The following MLXIPL variants were observed in gnomAD, a reference collection of about 807,000 sequenced individuals.
MLXIPL encodes MLX interacting protein like, also known as carbohydrate-responsive element-binding protein.
In MLXIPL, 49 loss-of-function variants were observed where a neutral mutation model predicts 81.5. The ratio of observed to expected loss-of-function variants is 0.60; its 90% CI spans 0.48 to 0.76. MLXIPL has a LOEUF of 0.76. MLXIPL is among the 30% of genes least tolerant of loss of function. MLXIPL has a pLI of 0.00. For synonymous variants in MLXIPL, 466 were observed against 485.5 expected (o/e 0.96, Z 0.53); for missense variants, 1,053 against 1,167.0 (o/e 0.90, Z 1.42).
intron 7 of MLXIPL, 112 bp from the exon 8 acceptor site, chr7:73,599,807 G>C (rs1794641968): frequency 9.7e-7 from 1 of 1,029,142 alleles, no homozygotes; most frequent in Non-Finnish European, 1.4e-6. Flanking sequence ...CATGGGGACT[G>C]GCGGGCAGAG....
chr7:73,601,024 C>T (rs1419396176), intron 7 of MLXIPL, among the ~76,000 whole-genome samples: 4 of 151,932 alleles, frequency 2.6e-5, no homozygotes, highest in Admixed American at 2.6e-4. Context: ...GACAACTCCC[C>T]ACAGACCTGG....
At chr7:73,645,371 C>G in the MLXIPL span, among the ~76,000 whole-genome samples, 1 of 152,184 alleles carries the variant, frequency 6.6e-6, no homozygotes, top group Non-Finnish European at 1.5e-5. Flanking sequence ...GTGCCAGGAC[C>G]TACCCTGGGA....
At chr7:73,644,503 C>G in the MLXIPL span, among the ~76,000 whole-genome samples, 1 of 152,148 alleles carries the variant, frequency 6.6e-6, no homozygotes, top group African/African-American at 2.4e-5. Context: ...AGCCACTGTG[C>G]CTTGCCGGTT....
chr7:73,603,865 C>G (rs78321972), intron 7 of MLXIPL, among the ~76,000 whole-genome samples: 4,548 of 152,254 alleles, frequency 0.03, 231 homozygotes, highest in African/African-American at 0.1. Flanking sequence ...ACTGAGGAAT[C>G]AGTAACTTGG....
intron 7 of MLXIPL, among the ~76,000 whole-genome samples, chr7:73,601,989 T>C (rs1461552103): frequency 6.6e-6 from 1 of 152,028 alleles, no homozygotes; most frequent in African/African-American, 2.4e-5. Flanking sequence ...TGTCCTGCCA[T>C]GATAGCATGG....
Position 73,607,621 on chromosome 7 carries a change from C to G in MLXIPL, c.452G>C (p.Gly151Ala), listed in dbSNP as rs1554598731. ...CTTCCGGTGCGCATCAGCCTCAGGC[C>G]CCTGCAGGGGGGTCACGAAGCCACA... ...PVCGFVTPLQGPEADAHRKPE... is the reference protein window; with the variant it reads ...PVCGFVTPLQAPEADAHRKPE... The change falls in exon 3 of 17, where the codon GGG (glycine) becomes GCG (alanine). Residue 151 changes from glycine (G) to alanine (A), a missense_variant. Gly to Ala is a moderately conservative substitution (Grantham distance 60). This residue lies in a region of MLXIPL where 226 missense variants were observed against 216.2 expected (regional missense o/e 1.05). Transcript: ENST00000313375. 1.2e-6 allele frequency: 2 copies of G among 1,613,390 alleles called. No individual in the cohort carries two copies. The highest frequency in any genetic ancestry group is 3.3e-5 in the Admixed American group (2 of 60,002).
In MLXIPL at chr7:73,596,416, C is replaced by T. The variant is rs781954096; in HGVS notation, c.1886G>A (p.Arg629His). ...SMPGPGTLSV[R>H]VSPPQPILSR... ...GAGGATGGGTTGCGGGGGAGAGACA[C>T]GGACGCTCAGAGTCCCAGGGCCTGG... The change falls in exon 12 of 17, where the codon CGT becomes CAT. Residue 629 changes from arginine to histidine, a missense_variant. Arg to His is a conservative substitution (Grantham distance 29). Around this residue, in one of 3 missense-constraint regions of MLXIPL, gnomAD observed 823 missense variants for 933.0 expected, o/e 0.88. Coordinates refer to ENST00000313375, the MANE Select transcript of MLXIPL (RefSeq NM_032951.3). The surrounding 1 kb of genome is among the most constrained non-coding windows in gnomAD (Gnocchi z 4.7). 24 of 1,612,840 alleles carry T rather than the reference C, an allele frequency of 1.5e-5. No individual in the cohort carries two copies. Among genetic ancestry groups the T allele is most frequent in the Admixed American group, 5.0e-5 (3 of 59,988 alleles).
chr7:73,614,205 G>A (rs1795865102), intron 2 of MLXIPL, among the ~76,000 whole-genome samples: 1 of 151,938 alleles, frequency 6.6e-6, no homozygotes, highest in Non-Finnish European at 1.5e-5. Context: ...CAACATGAGC[G>A]AAACTTCGTA....
chr7:73,595,491 AG>A (rs1794203379), intron 15 of MLXIPL, 145 bp downstream of exon 15: 2 of 1,569,758 alleles, frequency 1.3e-6, no homozygotes, highest in African/African-American at 2.7e-5. Flanking sequence ...AGGGCATGGA[AG>A]CAGGGGGCAG....
At chr7:73,624,124 C>G (rs1280467681) in intron 1 of MLXIPL, 76 bp downstream of exon 1, 1 of 1,464,390 alleles carries the variant, frequency 6.8e-7, no homozygotes, top group African/African-American at 1.4e-5. Context: ...AGGGCCCCAG[C>G]GCGCAGTCCT....
chr7:73,596,524 A>G lies in MLXIPL; in HGVS notation c.1823-45T>C. On this transcript the variant is annotated intron_variant, in intron 11 of 16. Coordinates refer to ENST00000313375, the MANE Select transcript of MLXIPL (RefSeq NM_032951.3). The surrounding 1 kb of genome is among the most constrained non-coding windows in gnomAD (Gnocchi z 4.7). ...ACCCACAGAAAGACCGACCCAGGGG[A>G]AAGGGTCCCCATTGCCCCCTTCCTC... 6.2e-7 allele frequency: 1 copy of G among 1,608,766 alleles called. No individual in the cohort carries two copies. The highest frequency in any genetic ancestry group is 8.5e-7 in the Non-Finnish European group (1 of 1,177,086).
At position 73,599,513 on chromosome 7, in the gene MLXIPL, G is replaced by C. The variant is rs191670198; in HGVS notation, c.1071+13C>G. ...TGAGCTACACAGGGCTGGACGGGGT[G>C]GGGTGAGCTCACCTGCAGACGGCTG... On this transcript the variant is annotated intron_variant, in intron 8 of 16. Coordinates refer to ENST00000313375, the MANE Select transcript of MLXIPL (RefSeq NM_032951.3). 1 of 1,612,036 alleles carries C rather than the reference G, an allele frequency of 6.2e-7. No homozygotes were observed. The highest frequency in any genetic ancestry group is 1.1e-5 in the South Asian group (1 of 91,014).
chr7:73,607,243 T>A, intron 4 of MLXIPL, 88 bp downstream of exon 4: 1 of 1,395,734 alleles, frequency 7.2e-7, no homozygotes, highest in South Asian at 1.3e-5. Flanking sequence ...GGGGTCAGGA[T>A]CCCCTTTCCA....
Position 73,593,364 on chromosome 7 carries a change from C to T in MLXIPL, c.*501G>A, listed in dbSNP as rs1238414366. 2 of 225,750 alleles carry T rather than the reference C, an allele frequency of 8.9e-6. No individual in the cohort carries two copies. Among genetic ancestry groups the T allele is most frequent in the Non-Finnish European group, 1.8e-5 (2 of 112,434 alleles). 14.0% of individuals were successfully genotyped at this position (225,750 alleles called of 1,614,324 possible). On this transcript the variant is annotated 3_prime_UTR_variant, in exon 17 of 17. Transcript: ENST00000313375. ...TCTCCCAGGGGAAACCATCCTGCAG[C>T]CCCTCTGGGTCAGCAGTGAAGGAGC...
the MLXIPL span, among the ~76,000 whole-genome samples, chr7:73,644,887 C>T: frequency 1.3e-5 from 2 of 152,218 alleles, no homozygotes; most frequent in African/African-American, 4.8e-5. Context: ...GCATCAGGCC[C>T]CTGGACTGAG....
chr7:73,629,133 C>T (rs1273862477), upstream of MLXIPL, among the ~76,000 whole-genome samples: 1 of 151,962 alleles, frequency 6.6e-6, no homozygotes, highest in Non-Finnish European at 1.5e-5. Flanking sequence ...ACCTCCACCT[C>T]CCGGATTCAA....
chr7:73,637,026 C>T, the MLXIPL span, among the ~76,000 whole-genome samples: 1 of 148,304 alleles, frequency 6.7e-6, no homozygotes, highest in Admixed American at 6.9e-5. Flanking sequence ...TGCCACTGCA[C>T]TCCAGCCTGG....
chr7:73,611,950 C>T (rs185098190), intron 2 of MLXIPL, among the ~76,000 whole-genome samples: 1 of 152,288 alleles, frequency 6.6e-6, no homozygotes, highest in Admixed American at 6.5e-5. Context: ...CATAGACTCC[C>T]AGGGGGCTAG....
the MLXIPL span, among the ~76,000 whole-genome samples, chr7:73,647,497 C>A: frequency 6.6e-6 from 1 of 152,192 alleles, no homozygotes; most frequent in Non-Finnish European, 1.5e-5. Context: ...AGACACGGGG[C>A]TTCCAGGACC....
Sources: gnomAD v4.1 joint callset for allele counts (sites outside exome capture counted in the v4.1 genomes callset) on GRCh38, gnomAD v4.1.1 for gene constraint, gnomAD v4.1.1 regional missense constraint, Gnocchi (gnomAD v3.1) non-coding constraint, MANE v1.5 for transcripts, NCBI Gene and HGNC (gene_info 2026-07-23, HGNC 2026-07-21) for gene names.